Variants in C16orf87 observed in about 807,000 individuals in gnomAD.
C16orf87 encodes UPF0547 protein C16orf87.
C16orf87 carries 13 observed loss-of-function variants against 21.0 expected under a neutral mutation model. The ratio of observed to expected loss-of-function variants is 0.62; its 90% CI spans 0.40 to 0.98. The LOEUF (loss-of-function observed/expected upper bound fraction) is 0.98. Among genes scored for constraint, C16orf87 ranks in the 50% least tolerant of loss-of-function variants. The pLI, the probability that C16orf87 is intolerant of heterozygous loss-of-function variation, is 0.00. For synonymous variants in C16orf87, 49 were observed against 60.2 expected (o/e 0.81, Z 0.86); for missense variants, 113 against 180.4 (o/e 0.63, Z 2.14).
At chr16:46,819,830 C>T (rs759349431) in intron 2 of C16orf87, among the ~76,000 whole-genome samples, 2 of 151,560 alleles carry the variant, frequency 1.3e-5, no homozygotes, top group Non-Finnish European at 2.9e-5. Flanking sequence ...CAAAATTAGC[C>T]GGGTGTGGTG....
intron 2 of C16orf87, among the ~76,000 whole-genome samples, chr16:46,813,817 C>T (rs941080004): frequency 2.6e-5 from 4 of 152,206 alleles, no homozygotes; most frequent in African/African-American, 9.6e-5. Flanking sequence ...TCTCCCAGCC[C>T]AAGTTACTTC....
At chr16:46,824,978 T>G (rs1959559895) in intron 1 of C16orf87, among the ~76,000 whole-genome samples, 1 of 152,100 alleles carries the variant, frequency 6.6e-6, no homozygotes, top group South Asian at 2.1e-4. Flanking sequence ...ACTCATATTC[T>G]TCTACTGCTT....
intron 2 of C16orf87, among the ~76,000 whole-genome samples, chr16:46,812,969 ACTC>A (rs1437991232): frequency 1.3e-5 from 2 of 151,594 alleles, no homozygotes; most frequent in South Asian, 4.2e-4. Flanking sequence ...CTCATCAGTC[ACTC>A]CTCCTAATCG....
At position 46,821,924 on chromosome 16, in the gene C16orf87, G is replaced by T. The variant is rs114202611; in HGVS notation, c.163+2462C>A. On this transcript the variant is annotated intron_variant, in intron 2 of 3. Transcript: ENST00000285697. ...ATTCTTCATCTTTCCCCCACAGCTTGTTTTCCCTCTTATATTCTCTTTTAA... is the reference window on the plus strand; with the variant it reads ...ATTCTTCATCTTTCCCCCACAGCTTTTTTTCCCTCTTATATTCTCTTTTAA... Among the ~76,000 whole-genome samples, 981 of 152,266 alleles carry T rather than the reference G, an allele frequency of 6.4e-3. 14 individuals carry two copies. The highest frequency in any genetic ancestry group is 0.022 in the African/African-American group (908 of 41,566).
intron 3 of C16orf87, 122 bp downstream of exon 3, chr16:46,809,481 T>G (rs561256982): frequency 9.2e-6 from 6 of 651,716 alleles, no homozygotes; most frequent in Non-Finnish European, 1.3e-5. Flanking sequence ...GCTTTCAAAC[T>G]AAAATATGAG....
At chr16:46,821,946 T>C (rs1959431018) in intron 2 of C16orf87, among the ~76,000 whole-genome samples, 1 of 152,236 alleles carries the variant, frequency 6.6e-6, no homozygotes, top group Admixed American at 6.5e-5. Context: ...ATATTCTCTT[T>C]TAACTAGCAA....
intron 1 of C16orf87, 109 bp downstream of exon 1, chr16:46,830,975 C>G: frequency 1.3e-6 from 1 of 745,270 alleles, no homozygotes; most frequent in Non-Finnish European, 2.0e-6. Context: ...CGGCGGGCCC[C>G]AGGATCTGCC....
At chr16:46,809,886 T>G (rs954130276) in intron 2 of C16orf87, 101 bp from the exon 3 acceptor site, 1 of 685,766 alleles carries the variant, frequency 1.5e-6, no homozygotes, top group African/African-American at 1.8e-5. Context: ...CACTAGAGTA[T>G]GCTTCCTGGC....
At chr16:46,817,309 TTTTTCCAGAAATAAAACAA>T (rs1361141492) in intron 2 of C16orf87, among the ~76,000 whole-genome samples, 1 of 152,064 alleles carries the variant, frequency 6.6e-6, no homozygotes, top group Non-Finnish European at 1.5e-5. Flanking sequence ...TCTGGAAAAG[TTTTTCCAGAAATAAAACAA>T]TTTCTGGGAA....
intron 2 of C16orf87, among the ~76,000 whole-genome samples, chr16:46,816,353 T>C (rs1968238298): frequency 6.6e-6 from 1 of 152,188 alleles, no homozygotes; most frequent in Non-Finnish European, 1.5e-5. Flanking sequence ...GCCACTAAAC[T>C]ATACACTTAT....
chr16:46,804,365 GGTTT>G (rs1967861434), intron 3 of C16orf87, among the ~76,000 whole-genome samples: 1 of 152,040 alleles, frequency 6.6e-6, no homozygotes, highest in African/African-American at 2.4e-5. Flanking sequence ...ATCCTTTCTT[GGTTT>G]ATTTCTTCAT....
chr16:46,799,123 C>T lies in C16orf87; in HGVS notation c.*3829G>A, dbSNP rs1473800124. 6.6e-6 allele frequency: 1 copy of T among 152,132 alleles called. No individual in the cohort carries two copies. Among genetic ancestry groups the T allele is most frequent in the Non-Finnish European group, 1.5e-5 (1 of 68,004 alleles). The allele number at this position is 152,132 out of a possible 1,614,324, so 9.4% of individuals were successfully genotyped here. A position where few individuals can be genotyped will look rare whatever the true frequency, so the allele number is the denominator to read the frequency against. ...CTTGACTGGGGTAAAAAGAATTATT[C>T]TATTCCAGACTCTGTTATATGTCTC... On this transcript the variant is annotated 3_prime_UTR_variant, in exon 4 of 4. Coordinates refer to ENST00000285697, the MANE Select transcript of C16orf87 (RefSeq NM_001001436.4).
intron 2 of C16orf87, among the ~76,000 whole-genome samples, chr16:46,813,282 A>G (rs1375516836): frequency 1.3e-5 from 2 of 152,044 alleles, no homozygotes; most frequent in East Asian, 1.9e-4. Context: ...TACTTTCATC[A>G]TATTAGTAAA....
chr16:46,812,186 G>C (rs1968107238), intron 2 of C16orf87, among the ~76,000 whole-genome samples: 1 of 152,076 alleles, frequency 6.6e-6, no homozygotes, highest in African/African-American at 2.4e-5. Context: ...AGAGGCTGCA[G>C]TGAGCTGAGA....
intron 2 of C16orf87, among the ~76,000 whole-genome samples, chr16:46,814,801 T>C (rs553897402): frequency 6.6e-6 from 1 of 152,264 alleles, no homozygotes; most frequent in Admixed American, 6.5e-5. Context: ...TAAAACATTC[T>C]AATGCATACC....
rs750450235 is a variant in C16orf87, at chr16:46,799,676, G to C, written c.*3276C>G. The C allele has an allele frequency of 4.6e-5, 7 of 152,184 alleles. No individual in the cohort carries two copies. The highest frequency in any genetic ancestry group is 7.2e-5 in the African/African-American group (3 of 41,452). The allele number at this position is 152,184 out of a possible 1,614,324, so 9.4% of individuals were successfully genotyped here. On this transcript the variant is annotated 3_prime_UTR_variant, in exon 4 of 4. Transcript: ENST00000285697. Reference sequence around the variant, plus strand: ...ACAAATTCAATACTTTTTTCACACAGGGTGTTTCTTGCTCTGCCTCCCAGG... The same window carrying C: ...ACAAATTCAATACTTTTTTCACACACGGTGTTTCTTGCTCTGCCTCCCAGG...
chr16:46,819,531 A>C (rs1042771810), intron 2 of C16orf87, among the ~76,000 whole-genome samples: 1 of 150,952 alleles, frequency 6.6e-6, no homozygotes, highest in Non-Finnish European at 1.5e-5. Context: ...GCTGGTCTCA[A>C]ACTCCTGACC....
chr16:46,806,240 T>C (rs1967923424), intron 3 of C16orf87, among the ~76,000 whole-genome samples: 1 of 152,112 alleles, frequency 6.6e-6, no homozygotes, highest in African/African-American at 2.4e-5. Flanking sequence ...AATCTTCAGC[T>C]TGAAGTCTAC....
intron 1 of C16orf87, among the ~76,000 whole-genome samples, chr16:46,826,101 C>G (rs1030226484): frequency 1.3e-5 from 2 of 152,042 alleles, no homozygotes; most frequent in African/African-American, 4.8e-5. Flanking sequence ...GGAATGACTC[C>G]GGACAAGATA....
Sources: allele counts gnomAD v4.1 joint callset (sites outside exome capture counted in the v4.1 genomes callset), GRCh38; gene constraint gnomAD v4.1.1; transcripts MANE v1.5; gene names NCBI Gene and HGNC (gene_info 2026-07-23, HGNC 2026-07-21).